Variants in KMT2C observed in about 807,000 individuals in gnomAD.
KMT2C encodes lysine methyltransferase 2C.
In KMT2C, 88 loss-of-function variants were observed where a neutral mutation model predicts 507.9. The observed-to-expected ratio is 0.17, with a 90% CI of 0.15 to 0.21. KMT2C has a LOEUF of 0.21. Among genes scored for constraint, KMT2C ranks in the 10% least tolerant of loss-of-function variants. The pLI, the probability that KMT2C is intolerant of heterozygous loss-of-function variation, is 1.00. For missense variants in KMT2C, 4,954 were observed against 5,957.8 expected (o/e 0.83, Z 5.55); for synonymous variants, 2,049 against 2,080.8 (o/e 0.98, Z 0.42).
chr7:152,221,992 A>C lies in KMT2C; in HGVS notation c.3499+9T>G. On this transcript the variant is annotated intron_variant, in intron 22 of 58. Coordinates refer to ENST00000262189, the MANE Select transcript of KMT2C (RefSeq NM_170606.3). ...TTAATTAAATCAAGTAAAGCATTTCAAATTTTACCTAGCTCTTTTACTTTT... is the reference window on the plus strand; with the variant it reads ...TTAATTAAATCAAGTAAAGCATTTCCAATTTTACCTAGCTCTTTTACTTTT... 6.3e-7 allele frequency: 1 copy of C among 1,596,180 alleles called. No homozygotes were observed. Among genetic ancestry groups the C allele is most frequent in the South Asian group, 1.1e-5 (1 of 87,184 alleles).
intron 16 of KMT2C, among the ~76,000 whole-genome samples, chr7:152,235,432 G>T (rs1314627046): frequency 6.6e-5 from 10 of 151,864 alleles, no homozygotes; most frequent in African/African-American, 2.4e-4. Context: ...ATAAAATAGC[G>T]AAGTTATTAC....
chr7:152,165,051 G>A (rs1291055123), intron 42 of KMT2C, among the ~76,000 whole-genome samples: 5 of 152,102 alleles, frequency 3.3e-5, no homozygotes, highest in East Asian at 1.9e-4. Flanking sequence ...GCAAATAATC[G>A]TGTTTCATCT....
chr7:152,165,709 C>T (rs1043882046), intron 42 of KMT2C, among the ~76,000 whole-genome samples: 2 of 151,998 alleles, frequency 1.3e-5, no homozygotes, highest in African/African-American at 4.8e-5. Context: ...GTTTTTGAGA[C>T]AAGAGTTTTG....
chr7:152,177,607 G>A lies in KMT2C; in HGVS notation c.7846C>T (p.Pro2616Ser), dbSNP rs142938767. ...TCTGGGTGCACAGGTAGCTGATTAG[G>A]TAGACCCTGGGGAGGTCGTCGCATG... ...DPMRRPPQGL[P>S]NQLPVHPDLE... Residue 2616 changes from proline (P) to serine (S), a missense_variant, in exon 38 of 59, where the codon CCT becomes TCT. Transcript: ENST00000262189. 40 of 1,614,172 alleles carry A rather than the reference G, an allele frequency of 2.5e-5. No homozygotes were observed. In the African/African-American group the frequency reaches 4.0e-4, roughly 16 times the overall value.
At chr7:152,197,069 G>A (rs1446546081) in intron 27 of KMT2C, among the ~76,000 whole-genome samples, 2 of 152,146 alleles carry the variant, frequency 1.3e-5, no homozygotes, top group African/African-American at 2.4e-5. Context: ...GCTGCTATAT[G>A]TAGAGCAGAT....
At chr7:152,191,593 G>C (rs1176109064) in intron 31 of KMT2C, among the ~76,000 whole-genome samples, 3 of 152,082 alleles carry the variant, frequency 2.0e-5, no homozygotes. Flanking sequence ...ATTGACACCA[G>C]AGCTACCTTA....
At chr7:152,379,925 A>G (rs2097357817) in intron 1 of KMT2C, among the ~76,000 whole-genome samples, 3 of 152,412 alleles carry the variant, frequency 2.0e-5, no homozygotes, top group Admixed American at 1.3e-4. Context: ...GCGAGACCCC[A>G]GTATCTACAA....
At chr7:152,257,827 C>T (rs1464039393) in intron 9 of KMT2C, among the ~76,000 whole-genome samples, 1 of 151,938 alleles carries the variant, frequency 6.6e-6, no homozygotes. Context: ...ACACAAGATA[C>T]ACTAACACTA....
chr7:152,283,312 C>T (rs999727502), intron 6 of KMT2C, among the ~76,000 whole-genome samples: 1 of 152,234 alleles, frequency 6.6e-6, no homozygotes, highest in Non-Finnish European at 1.5e-5. Context: ...CTGCCTATTA[C>T]AGAAGAGTTA....
At chr7:152,207,224 G>T (rs2129138319) in intron 24 of KMT2C, 76 bp downstream of exon 24, 2 of 1,162,284 alleles carry the variant, frequency 1.7e-6, no homozygotes, top group South Asian at 1.7e-5. Context: ...AATTTTAATT[G>T]AAGTCTTCAG....
chr7:152,138,451 C>T lies in KMT2C; in HGVS notation c.14643+345G>A, dbSNP rs1288191811. ...CCCCTTGGAGAAGGACGGGGATGCT[C>T]TTCAGAGGGGACACTGCCAAACTGT... is the stretch of plus-strand genomic sequence containing the variant. On this transcript the variant is annotated intron_variant, in intron 58 of 58. Coordinates refer to ENST00000262189, the MANE Select transcript of KMT2C (RefSeq NM_170606.3). This position sits in a 1 kb window ranked among gnomAD's most constrained non-coding sequence, Gnocchi z 4.2. The T allele has an allele frequency of 5.2e-6, 1 of 191,276 alleles. No individual in the cohort carries two copies. The highest frequency in any genetic ancestry group is 1.1e-5 in the Non-Finnish European group (1 of 91,856). 11.8% of individuals were successfully genotyped at this position (191,276 alleles called of 1,614,324 possible). A position where few individuals can be genotyped will look rare whatever the true frequency, so the allele number is the denominator to read the frequency against.
chr7:152,242,273 T>C (rs1045550698), intron 14 of KMT2C, among the ~76,000 whole-genome samples: 2 of 152,212 alleles, frequency 1.3e-5, no homozygotes, highest in African/African-American at 2.4e-5. Context: ...TGAGCATCTA[T>C]TATCTTTTTT....
intron 18 of KMT2C, among the ~76,000 whole-genome samples, chr7:152,225,783 C>A (rs1281829486): frequency 2.0e-5 from 3 of 152,106 alleles, no homozygotes; most frequent in Non-Finnish European, 4.4e-5. Context: ...GGTAGGACTT[C>A]TCCCAGAAAA....
At position 152,176,618 on chromosome 7, in the gene KMT2C, G is replaced by C. The variant is rs1432716358; in HGVS notation, c.8835C>G (p.Ala2945=). The stretch of plus-strand genomic sequence containing the variant: ...AACTTGACACATGATTGGATGGGGA[G>C]GCCGGCAGAGTTGGTGGTGGTGGAG... ...SGSPPPPTLP[A]SPSNHVSSLP... is the part of the protein sequence containing the mutation. The change falls in exon 38 of 59, where the codon GCC becomes GCG. Residue 2945 remains alanine (A), a synonymous_variant. Transcript: ENST00000262189. The C allele has an allele frequency of 1.9e-6, 3 of 1,614,200 alleles. No homozygotes were observed. In the East Asian group the frequency reaches 6.7e-5, roughly 36 times the overall value.
chr7:152,212,581 AC>A (rs1282917730), intron 23 of KMT2C, among the ~76,000 whole-genome samples: 1 of 152,238 alleles, frequency 6.6e-6, no homozygotes, highest in Non-Finnish European at 1.5e-5. Context: ...AAATCAATAT[AC>A]AAAAATCAGA....
At chr7:152,434,448 A>C (rs921867192) in intron 1 of KMT2C, among the ~76,000 whole-genome samples, 3 of 152,152 alleles carry the variant, frequency 2.0e-5, no homozygotes, top group Admixed American at 6.5e-5. Flanking sequence ...TCACGCTACT[A>C]TTTTTACTAC....
In KMT2C at chr7:152,171,288, G is replaced by A; in HGVS notation, c.9429C>T (p.Asn3143=). ...VTGTQNSEGQ[N]LGPQAIPQDG... Reference sequence around the variant, plus strand: ...CCTGAGGAATGGCCTGTGGTCCAAGGTTCTGTCCTTCACTGTTCTGTGTTC... The same window carrying A: ...CCTGAGGAATGGCCTGTGGTCCAAGATTCTGTCCTTCACTGTTCTGTGTTC... Residue 3143 remains asparagine (N), a synonymous_variant, in exon 40 of 59, where the codon AAC becomes AAT. Coordinates refer to ENST00000262189, the MANE Select transcript of KMT2C (RefSeq NM_170606.3). 6.2e-7 allele frequency: 1 copy of A among 1,609,990 alleles called. No homozygotes were observed. Among genetic ancestry groups the A allele is most frequent in the Non-Finnish European group, 8.5e-7 (1 of 1,178,036 alleles).
chr7:152,288,511 C>A (rs2096348199), intron 6 of KMT2C, among the ~76,000 whole-genome samples: 1 of 151,584 alleles, frequency 6.6e-6, no homozygotes, highest in African/African-American at 2.4e-5. Context: ...CCAGCCTGGG[C>A]AAAAGAGCAA....
chr7:152,257,266 C>T (rs1450156835), intron 9 of KMT2C, among the ~76,000 whole-genome samples: 5 of 152,154 alleles, frequency 3.3e-5, no homozygotes, highest in African/African-American at 1.2e-4. Flanking sequence ...TGCAAAAGAA[C>T]ATACACAACA....
Sources: gnomAD v4.1 joint callset for allele counts (sites outside exome capture counted in the v4.1 genomes callset) on GRCh38, gnomAD v4.1.1 for gene constraint, Gnocchi (gnomAD v3.1) non-coding constraint, MANE v1.5 for transcripts, NCBI Gene and HGNC (gene_info 2026-07-23, HGNC 2026-07-21) for gene names.